SETBP1: variants seen among roughly 807,000 people sequenced by gnomAD.
The protein encoded by SETBP1 is SET binding protein 1, also known as SET-binding protein.
A neutral mutation model predicts 101.0 loss-of-function variants in SETBP1; 9 were observed. That is an observed-to-expected ratio of 0.09 (90% CI 0.05 to 0.16). The LOEUF (loss-of-function observed/expected upper bound fraction) is 0.16, where lower values mean the gene tolerates loss of function less well. Among genes scored for constraint, SETBP1 ranks in the 10% least tolerant of loss-of-function variants. The probability of loss-of-function intolerance (pLI) is 1.00; values close to 1 mark genes in which losing one functional copy is unlikely to be tolerated. For missense variants in SETBP1, 1,858 were observed against 2,033.8 expected (o/e 0.91, Z 1.66); for synonymous variants, 818 against 788.5 (o/e 1.04, Z -0.63).
At chr18:44,908,038 C>T (rs920636161) in intron 3 of SETBP1, among the ~76,000 whole-genome samples, 2 of 151,298 alleles carry the variant, frequency 1.3e-5, no homozygotes, top group African/African-American at 2.4e-5. Flanking sequence ...AGCTCTTCTT[C>T]TTCCTCCTCC....
intron 3 of SETBP1, among the ~76,000 whole-genome samples, chr18:44,935,364 G>C (rs1055047360): frequency 1.3e-5 from 2 of 152,192 alleles, no homozygotes; most frequent in African/African-American, 4.8e-5. Flanking sequence ...ATGCGGTAAA[G>C]AGGAAAAGGA....
chr18:44,754,565 T>C (rs975072159), intron 2 of SETBP1, among the ~76,000 whole-genome samples: 15 of 152,220 alleles, frequency 9.9e-5, no homozygotes, highest in Admixed American at 2.6e-4. Flanking sequence ...AGCATTCTTA[T>C]AGAGAAGTCC....
chr18:45,033,591 C>G (rs930540439), intron 4 of SETBP1, among the ~76,000 whole-genome samples: 14 of 152,334 alleles, frequency 9.2e-5, no homozygotes, highest in African/African-American at 3.4e-4. Flanking sequence ...TCAGCCTCTT[C>G]CACCATGCCA....
intron 3 of SETBP1, among the ~76,000 whole-genome samples, chr18:44,924,977 A>G (rs2070666618): frequency 1.5e-5 from 2 of 131,842 alleles, no homozygotes; most frequent in East Asian, 4.5e-4. Context: ...TGTTCCAACC[A>G]TGCTCTTTTT....
intron 2 of SETBP1, among the ~76,000 whole-genome samples, chr18:44,831,588 T>G (rs1432385443): frequency 6.6e-6 from 1 of 152,220 alleles, no homozygotes; most frequent in Non-Finnish European, 1.5e-5. Context: ...GACAAATAGT[T>G]AAGAGCCAAA....
chr18:44,756,116 G>A (rs1177034537), intron 2 of SETBP1, among the ~76,000 whole-genome samples: 1 of 151,852 alleles, frequency 6.6e-6, no homozygotes, highest in Non-Finnish European at 1.5e-5. Context: ...ACTCCGGAGG[G>A]TGAGGAGGGG....
Position 44,701,716 on chromosome 18 carries a change from A to G in SETBP1, c.370A>G (p.Ile124Val), listed in dbSNP as rs778106381. ...KKPPKNLENY[I>V]CPPEIKITIK... ...ACCCCCAAAGAATTTGGAGAACTAT[A>G]TATGTCCACCTGAGATCAAGATCAC... The change falls in exon 2 of 6, where the codon ATA (isoleucine) becomes GTA (valine). Residue 124 changes from isoleucine (I) to valine (V), a missense_variant. Physicochemically the swap from Ile to Val is conservative, Grantham distance 29. This residue lies in a region of SETBP1 where 28 missense variants were observed against 59.2 expected (regional missense o/e 0.47). Transcript: ENST00000649279. 1.9e-6 allele frequency: 3 copies of G among 1,614,058 alleles called. No individual in the cohort carries two copies. Among genetic ancestry groups the G allele is most frequent in the East Asian group, 2.2e-5 (1 of 44,880 alleles).
chr18:44,831,479 T>C (rs1208776209), intron 2 of SETBP1, among the ~76,000 whole-genome samples: 1 of 152,210 alleles, frequency 6.6e-6, no homozygotes, highest in Non-Finnish European at 1.5e-5. Context: ...AGTTTGACAT[T>C]TAATTACATT....
intron 3 of SETBP1, chr18:44,870,682 T>C (rs886570012): frequency 6.6e-6 from 1 of 152,184 alleles, no homozygotes; most frequent in African/African-American, 2.4e-5. Context: ...CCTACACTCA[T>C]ACATGGTGGC....
At chr18:44,861,120 C>T (rs2068996255) in intron 2 of SETBP1, among the ~76,000 whole-genome samples, 1 of 152,102 alleles carries the variant, frequency 6.6e-6, no homozygotes, top group Admixed American at 6.6e-5. Context: ...GGAACTCCCA[C>T]CTCAGTGCCT....
rs1387285848 is a variant in SETBP1 at position 44,950,615 on chromosome 18, A to C, written c.1275A>C (p.Lys425Asn). The change falls in exon 4 of 6, where the codon AAA becomes AAC. Residue 425 changes from lysine to asparagine, a missense_variant. Lys to Asn is a moderately conservative substitution (Grantham distance 94). Transcript: ENST00000649279. ...AGAGGAAAAAAAGACAGTCCATTAA[A>C]GCGGTGGTGGAAAAGATCATGCCAG... ...NHKRKKRQSI[K>N]AVVEKIMPEK... is the part of the protein sequence containing the mutation. 1.2e-6 allele frequency: 2 copies of C among 1,614,142 alleles called. No homozygotes were observed. The highest frequency in any genetic ancestry group is 1.7e-6 in the Non-Finnish European group (2 of 1,180,032).
chr18:44,939,627 G>T (rs556749709), intron 3 of SETBP1, among the ~76,000 whole-genome samples: 8 of 152,204 alleles, frequency 5.3e-5, no homozygotes, highest in Non-Finnish European at 1.0e-4. Flanking sequence ...AAGACATGCT[G>T]AGAGATCTTC....
chr18:44,895,856 C>T (rs2069890518), intron 3 of SETBP1, among the ~76,000 whole-genome samples: 1 of 151,780 alleles, frequency 6.6e-6, no homozygotes. Flanking sequence ...ACTTTTTTTG[C>T]ATTATGAGCT....
intron 2 of SETBP1, among the ~76,000 whole-genome samples, chr18:44,750,787 G>T (rs1288933301): frequency 6.6e-6 from 1 of 152,172 alleles, no homozygotes; most frequent in Non-Finnish European, 1.5e-5. Flanking sequence ...GCTTAGCTAG[G>T]TCATAAAAAA....
intron 3 of SETBP1, among the ~76,000 whole-genome samples, chr18:44,891,063 C>A (rs1361233443): frequency 2.0e-5 from 3 of 152,104 alleles, no homozygotes; most frequent in Non-Finnish European, 4.4e-5. Context: ...GGAGGCCTCA[C>A]AATTATGGCA....
chr18:44,710,114 A>G (rs1025567436), intron 2 of SETBP1, among the ~76,000 whole-genome samples: 3 of 151,972 alleles, frequency 2.0e-5, no homozygotes, highest in Non-Finnish European at 4.4e-5. Flanking sequence ...CCGCAGTTAT[A>G]TTTCCTTTTT....
intron 2 of SETBP1, among the ~76,000 whole-genome samples, chr18:44,854,865 A>G (rs554363917): frequency 1.3e-4 from 20 of 152,180 alleles, no homozygotes; most frequent in Admixed American, 2.6e-4. Flanking sequence ...CTCTTACGTG[A>G]TGTGGCCTCA....
At chr18:44,761,617 G>A (rs2070648920) in intron 2 of SETBP1, among the ~76,000 whole-genome samples, 1 of 152,150 alleles carries the variant, frequency 6.6e-6, no homozygotes, top group Non-Finnish European at 1.5e-5. Flanking sequence ...ATGTCCTCTT[G>A]AGTAAGGGCA....
intron 4 of SETBP1, among the ~76,000 whole-genome samples, chr18:44,960,154 C>T (rs566091868): frequency 3.4e-4 from 51 of 152,170 alleles, no homozygotes; most frequent in Non-Finnish European, 6.5e-4. Flanking sequence ...GCCTCGGCCA[C>T]CTAAAATGCT....
Sources: allele counts gnomAD v4.1 joint callset (sites outside exome capture counted in the v4.1 genomes callset), GRCh38; gene constraint gnomAD v4.1.1; regional missense constraint gnomAD v4.1.1; transcripts MANE v1.5; gene names NCBI Gene and HGNC (gene_info 2026-07-23, HGNC 2026-07-21).